ATP13A4: variants seen among roughly 807,000 people sequenced by gnomAD.
ATP13A4 encodes ATPase 13A4.
Under a neutral mutation model 142.5 loss-of-function variants are expected in ATP13A4, and 114 were observed. The observed-to-expected ratio is 0.80, with a 90% confidence interval of 0.69 to 0.93. ATP13A4 has a LOEUF of 0.93. Ranked by LOEUF, ATP13A4 falls within the 40% of genes least tolerant of loss-of-function variation. ATP13A4 has a pLI of 0.00. For synonymous variants in ATP13A4, 488 were observed against 514.8 expected, an observed-to-expected ratio of 0.95 and a Z score of 0.70; for missense variants, 1,392 against 1,454.0, an observed-to-expected ratio of 0.96 and a Z score of 0.69.
upstream of ATP13A4, chr3:193,554,911 C>A: frequency 6.2e-7 from 1 of 1,608,624 alleles, no homozygotes; most frequent in Non-Finnish European, 8.5e-7. Flanking sequence ...AGTTAATGAT[C>A]CTCCAGGTTA....
chr3:193,576,249 C>CTTTTTTTTTTTT (rs59910562), intron 2 of ATP13A4, among the ~76,000 whole-genome samples: 5 of 54,364 alleles, frequency 9.2e-5, no homozygotes, highest in Non-Finnish European at 1.3e-4. Context: ...TTGAATCAAT[C>CTTTTTTTTTTTT]TTTTTTTTTT....
chr3:193,457,579 G>A (rs184728147), intron 14 of ATP13A4, 114 bp from the exon 15 acceptor site: 115 of 963,734 alleles, frequency 1.2e-4, no homozygotes, highest in South Asian at 1.0e-3. Flanking sequence ...TGTGTTTTCC[G>A]TGTCTCTTCC....
At chr3:193,483,257 G>C (rs1164370179) in intron 8 of ATP13A4, among the ~76,000 whole-genome samples, 2 of 152,092 alleles carry the variant, frequency 1.3e-5, no homozygotes, top group Non-Finnish European at 2.9e-5. Flanking sequence ...CCTGAGGGAT[G>C]GGGGAGTTGG....
intron 29 of ATP13A4, among the ~76,000 whole-genome samples, chr3:193,404,852 T>C (rs1372720029): frequency 6.6e-6 from 1 of 152,178 alleles, no homozygotes; most frequent in Non-Finnish European, 1.5e-5. Flanking sequence ...TAGTGAGACA[T>C]TTCTTTAAAA....
At chr3:193,500,104 A>C (rs2108674470) in intron 3 of ATP13A4, among the ~76,000 whole-genome samples, 1 of 152,268 alleles carries the variant, frequency 6.6e-6, no homozygotes, top group African/African-American at 2.4e-5. Flanking sequence ...AGAGGATGTT[A>C]AGTACAATAT....
chr3:193,420,741 G>C (rs2108609687), intron 25 of ATP13A4, among the ~76,000 whole-genome samples: 1 of 149,306 alleles, frequency 6.7e-6, no homozygotes, highest in Middle Eastern at 3.4e-3. Context: ...AGAAACTTTG[G>C]AGCTGAAGAA....
intron 17 of ATP13A4, among the ~76,000 whole-genome samples, chr3:193,450,062 A>T (rs1028864558): frequency 6.6e-6 from 1 of 151,718 alleles, no homozygotes; most frequent in African/African-American, 2.4e-5. Flanking sequence ...GAGTGAGCTG[A>T]GATCACACCA....
At position 193,457,432 on chromosome 3, in the gene ATP13A4, T is replaced by C; in HGVS notation, c.1708A>G (p.Lys570Glu). 1 of 1,614,204 alleles carries C rather than the reference T, an allele frequency of 6.2e-7. No individual in the cohort carries two copies. Among genetic ancestry groups the C allele is most frequent in the Non-Finnish European group, 8.5e-7 (1 of 1,180,036 alleles). ...ACCATGGCATGTGCCGGCACTCCCT[T>C]GATGTGGAAATCGTCCCCAGAAAAA... ...MAFSGDDFHI[K>E]GVPAHAMVVK... Residue 570 changes from lysine (K) to glutamate (E), a missense_variant, in exon 15 of 30, where the codon AAG becomes GAG. Lys to Glu is a moderately conservative substitution (Grantham distance 56). Coordinates refer to ENST00000342695, the MANE Select transcript of ATP13A4 (RefSeq NM_032279.4).
intron 1 of ATP13A4, among the ~76,000 whole-genome samples, chr3:193,587,019 T>C (rs1020342989): frequency 2.6e-5 from 4 of 152,214 alleles, no homozygotes; most frequent in Non-Finnish European, 5.9e-5. Context: ...CAATGTTTTG[T>C]GGTTTTCTGT....
Position 193,493,090 on chromosome 3 carries a change from C to G in ATP13A4, c.452G>C (p.Gly151Ala). Residue 151 changes from glycine to alanine, a missense_variant and splice_region_variant, in exon 4 of 30, where the codon GGT becomes GCT. Gly to Ala is a moderately conservative substitution (Grantham distance 60, BLOSUM62 0). Transcript: ENST00000342695. ...NYLEGQFQKI[G>A]SLEDWLSSAK... ...GGCTGTACTTGCTAAAACAACTTAC[C>G]CAATTTTCTGGAACTGTCCTTCTAA... 6.2e-7 allele frequency: 1 copy of G among 1,613,016 alleles called. No homozygotes were observed. Among genetic ancestry groups the G allele is most frequent in the Admixed American group, 1.7e-5 (1 of 59,996 alleles).
chr3:193,506,188 A>G (rs1379255782), intron 2 of ATP13A4, among the ~76,000 whole-genome samples: 1 of 152,196 alleles, frequency 6.6e-6, no homozygotes, highest in Non-Finnish European at 1.5e-5. Context: ...CTTCTACTTT[A>G]GTCTGTTTCC....
intron 1 of ATP13A4, among the ~76,000 whole-genome samples, chr3:193,521,024 T>C (rs13100547): frequency 0.14 from 21,585 of 152,258 alleles, 1,617 homozygotes; most frequent in Non-Finnish European, 0.16. Flanking sequence ...CTGGCCCAGA[T>C]GTCAGGCTCA....
Position 193,480,841 on chromosome 3 carries a change from A to T in ATP13A4, c.808+3095T>A, listed in dbSNP as rs569830189. Among the ~76,000 whole-genome samples, 35 of 152,370 alleles carry T rather than the reference A, an allele frequency of 2.3e-4. 1 individual carries two copies. The South Asian group carries it at 7.3e-3, about 32-fold the overall frequency. ...ATACTTGCATGTGCATGTCTAGAGC[A>T]GCACAATTTGTAACTGCAAAACTAT... On this transcript the variant is annotated intron_variant, in intron 8 of 29. Coordinates refer to ENST00000342695, the MANE Select transcript of ATP13A4 (RefSeq NM_032279.4).
chr3:193,541,093 C>CA (rs1279178303), intron 1 of ATP13A4, among the ~76,000 whole-genome samples: 1 of 151,458 alleles, frequency 6.6e-6, no homozygotes, highest in Non-Finnish European at 1.5e-5. Flanking sequence ...ACTAAAAATA[C>CA]AAAAAATTAG....
intron 1 of ATP13A4, chr3:193,553,604 C>T (rs1477495773): frequency 6.6e-6 from 1 of 152,150 alleles, no homozygotes; most frequent in Non-Finnish European, 1.5e-5. Context: ...TGTGGAGGGG[C>T]TGAAGGCAAT....
intron 23 of ATP13A4, among the ~76,000 whole-genome samples, chr3:193,437,085 C>T (rs1716327198): frequency 1.7e-5 from 2 of 121,112 alleles, no homozygotes; most frequent in Admixed American, 1.9e-4. Flanking sequence ...GCCTGGGCGA[C>T]AGAGTGAGAC....
At chr3:193,510,575 G>C (rs1406094842) in intron 2 of ATP13A4, among the ~76,000 whole-genome samples, 3 of 152,136 alleles carry the variant, frequency 2.0e-5, no homozygotes, top group Non-Finnish European at 4.4e-5. Flanking sequence ...AGAAGTAGAT[G>C]AATAATGAAC....
chr3:193,529,132 T>C (rs1200026900), intron 1 of ATP13A4, among the ~76,000 whole-genome samples: 2 of 151,754 alleles, frequency 1.3e-5, no homozygotes, highest in African/African-American at 4.8e-5. Flanking sequence ...TAGCCGGCAA[T>C]GGTGGCACAT....
intron 10 of ATP13A4, 44 bp downstream of exon 10, chr3:193,467,272 C>A (rs778119852): frequency 6.2e-7 from 1 of 1,607,514 alleles, no homozygotes; most frequent in South Asian, 1.1e-5. Flanking sequence ...ACAAACTGGG[C>A]AAAAGTATAC....
Sources: gnomAD v4.1 joint callset for allele counts (sites outside exome capture counted in the v4.1 genomes callset) on GRCh38, gnomAD v4.1.1 for gene constraint, MANE v1.5 for transcripts, NCBI Gene and HGNC (gene_info 2026-07-23, HGNC 2026-07-21) for gene names.